WWOX: variants seen among roughly 807,000 people sequenced by gnomAD.
WWOX encodes WW domain containing oxidoreductase, also known as WW domain-containing oxidoreductase.
Under a neutral mutation model 46.2 loss-of-function variants are expected in WWOX, and 69 were observed. The ratio of observed to expected loss-of-function variants is 1.49; its 90% CI spans 1.23 to 1.82. The LOEUF is 1.82. Ranked by LOEUF, WWOX falls within the 40% of genes most tolerant of loss-of-function variation. The pLI is 0.00. For missense variants in WWOX, 919 were observed against 542.6 expected, an observed-to-expected ratio of 1.69 and a Z score of -6.89; for synonymous variants, 359 against 202.6, an observed-to-expected ratio of 1.77 and a Z score of -6.56.
At chr16:78,455,583 C>T (rs937308469) in intron 8 of WWOX, among the ~76,000 whole-genome samples, 2 of 127,996 alleles carry the variant, frequency 1.6e-5, no homozygotes, top group African/African-American at 6.1e-5. Flanking sequence ...TAGGAGGCTG[C>T]AGTAAGCTGA....
intron 8 of WWOX, among the ~76,000 whole-genome samples, chr16:78,466,374 C>G (rs183021337): frequency 6.6e-6 from 1 of 152,114 alleles, no homozygotes; most frequent in South Asian, 2.1e-4. Flanking sequence ...TGTTTTGGAA[C>G]TAGAGGTGAT....
intron 4 of WWOX, chr16:78,119,007 T>A (rs1011641228): frequency 6.6e-6 from 1 of 152,190 alleles, no homozygotes; most frequent in African/African-American, 2.4e-5. Flanking sequence ...TGTGGACCTC[T>A]CTCTGTGGAG....
At chr16:78,524,119 C>T (rs1349677976) in intron 8 of WWOX, among the ~76,000 whole-genome samples, 2 of 152,134 alleles carry the variant, frequency 1.3e-5, no homozygotes, top group Admixed American at 6.5e-5. Flanking sequence ...CGGCAAACAT[C>T]ACTTTGTAAT....
chr16:78,711,314 A>T (rs552458793), intron 8 of WWOX, among the ~76,000 whole-genome samples: 2 of 152,322 alleles, frequency 1.3e-5, no homozygotes, highest in Admixed American at 1.3e-4. Context: ...TACTATTTCT[A>T]TGGTTTGTTT....
chr16:78,232,837 C>CTTTCTTTTCT (rs5818120), intron 5 of WWOX, among the ~76,000 whole-genome samples: 20 of 150,366 alleles, frequency 1.3e-4, no homozygotes, highest in Admixed American at 9.9e-4. Flanking sequence ...TTTTCTTTTT[C>CTTTCTTTTCT]TTTCTTTTCT....
intron 8 of WWOX, among the ~76,000 whole-genome samples, chr16:78,556,313 G>A (rs904149190): frequency 6.6e-6 from 1 of 151,850 alleles, no homozygotes; most frequent in East Asian, 1.9e-4. Flanking sequence ...GACAGTCGGC[G>A]ATTGGGAACG....
intron 8 of WWOX, among the ~76,000 whole-genome samples, chr16:78,601,748 G>C (rs750747959): frequency 6.6e-6 from 1 of 152,206 alleles, no homozygotes; most frequent in Middle Eastern, 3.2e-3. Context: ...GATTAAGTTA[G>C]GGAGACAGTA....
chr16:79,115,450 AGGT>A (rs1429943930), intron 8 of WWOX, among the ~76,000 whole-genome samples: 8 of 22,158 alleles, frequency 3.6e-4, no homozygotes, highest in African/African-American at 1.7e-3. Flanking sequence ...CAAAACCCAC[AGGT>A]GCTGCTCTTG....
At chr16:78,862,355 A>C (rs1245509278) in intron 8 of WWOX, among the ~76,000 whole-genome samples, 4 of 151,198 alleles carry the variant, frequency 2.6e-5, no homozygotes, top group Non-Finnish European at 5.9e-5. Flanking sequence ...TAAATAATAT[A>C]TATAAACACT....
At chr16:78,112,894 C>T (rs1463081752) in intron 3 of WWOX, among the ~76,000 whole-genome samples, 1 of 151,784 alleles carries the variant, frequency 6.6e-6, no homozygotes, top group Non-Finnish European at 1.5e-5. Context: ...TTTGTAGAGA[C>T]TGAGGCTCAG....
chr16:78,474,135 C>T (rs902309823), intron 8 of WWOX, among the ~76,000 whole-genome samples: 8 of 152,164 alleles, frequency 5.3e-5, no homozygotes, highest in Non-Finnish European at 1.2e-4. Flanking sequence ...GACTGTTACA[C>T]GTTTATGGAT....
At chr16:79,204,823 A>T (rs971430360) in intron 8 of WWOX, 1 of 152,200 alleles carries the variant, frequency 6.6e-6, no homozygotes, top group Non-Finnish European at 1.5e-5. Context: ...AATTCTTTCC[A>T]GCTTTCCATC....
chr16:78,178,996 T>C (rs1043056574), intron 5 of WWOX, among the ~76,000 whole-genome samples: 1 of 152,092 alleles, frequency 6.6e-6, no homozygotes, highest in South Asian at 2.1e-4. Flanking sequence ...TTTTGTATCA[T>C]TGGAGGAGAA....
At chr16:78,262,232 A>T (rs1299051609) in intron 5 of WWOX, among the ~76,000 whole-genome samples, 2 of 151,910 alleles carry the variant, frequency 1.3e-5, no homozygotes, top group African/African-American at 2.4e-5. Context: ...ATCTGTCTTC[A>T]TTCAACAAAT....
At chr16:79,043,309 A>G (rs1452474577) in intron 8 of WWOX, among the ~76,000 whole-genome samples, 1 of 152,168 alleles carries the variant, frequency 6.6e-6, no homozygotes, top group Non-Finnish European at 1.5e-5. Context: ...GTGGCATGGT[A>G]GCAGAAATTA....
At chr16:78,972,301 A>G (rs1403729110) in intron 8 of WWOX, among the ~76,000 whole-genome samples, 1 of 152,282 alleles carries the variant, frequency 6.6e-6, no homozygotes, top group Non-Finnish European at 1.5e-5. Flanking sequence ...AGAGTCTCGC[A>G]TTATAAATGA....
chr16:78,144,468 CATATAT>C lies in WWOX; in HGVS notation c.410-19701_410-19696del, dbSNP rs1215805172. On this transcript the variant is annotated intron_variant, in intron 4 of 8. Coordinates refer to ENST00000566780, the MANE Select transcript of WWOX (RefSeq NM_016373.4). ...ATATACACATATATATATATACACACATATATATATATATATATACACACACACACA... is the reference window on the plus strand; with the variant it reads ...ATATACACATATATATATATACACACATATATATATATACACACACACACA... Among the ~76,000 whole-genome samples the C allele has an allele frequency of 3.5e-4, 5 of 14,482 alleles. 1 individual carries two copies. Among genetic ancestry groups the C allele is most frequent in the African/African-American group, 8.0e-4 (3 of 3,750 alleles). 9.5% of individuals were successfully genotyped at this position (14,482 alleles called of 152,430 possible).
chr16:78,114,993 C>T lies in WWOX; in HGVS notation c.248C>T (p.Thr83Ile), dbSNP rs751493396. Residue 83 changes from threonine to isoleucine, a missense_variant, in exon 4 of 9, where the codon ACC becomes ATC. By Grantham distance (89) the Thr-to-Ile change is moderately conservative. Transcript: ENST00000566780. ...VFFVDHINKR[T>I]TYLDPRLAFT... ...TTGGGCAGCCATATAAATAAAAGAA[C>T]CACCTACTTGGACCCAAGACTGGCG... 10 of 1,614,142 alleles carry T rather than the reference C, an allele frequency of 6.2e-6. No homozygotes were observed. Among genetic ancestry groups the T allele is most frequent in the East Asian group, 2.2e-5 (1 of 44,872 alleles).
At chr16:78,149,013 G>C (rs533064368) in intron 4 of WWOX, among the ~76,000 whole-genome samples, 2 of 150,474 alleles carry the variant, frequency 1.3e-5, no homozygotes, top group South Asian at 4.2e-4. Context: ...ATTTTTTTGA[G>C]ACAGAATCTG....
Sources: allele counts gnomAD v4.1 joint callset (sites outside exome capture counted in the v4.1 genomes callset), GRCh38; gene constraint gnomAD v4.1.1; transcripts MANE v1.5; gene names NCBI Gene and HGNC (gene_info 2026-07-23, HGNC 2026-07-21).